Variants in IGFBP5 observed in about 807,000 individuals in gnomAD.
The protein encoded by IGFBP5 is insulin-like growth factor-binding protein 5.
In IGFBP5, 12 loss-of-function variants were observed where a neutral mutation model predicts 28.0. The ratio of observed to expected loss-of-function variants is 0.43; its 90% CI spans 0.27 to 0.69. The LOEUF (loss-of-function observed/expected upper bound fraction) is 0.69, where lower values mean the gene tolerates loss of function less well. Ranked by LOEUF, IGFBP5 falls within the 30% of genes least tolerant of loss-of-function variation. The probability of loss-of-function intolerance (pLI) is 0.20; values close to 1 mark genes in which losing one functional copy is unlikely to be tolerated. For synonymous variants in IGFBP5, 152 were observed against 150.2 expected (o/e 1.01, Z -0.09); for missense variants, 344 against 381.6 (o/e 0.90, Z 0.82).
At position 216,675,030 on chromosome 2, in the gene IGFBP5, TTTTCCTCTC is replaced by T. The variant is rs1688879325; in HGVS notation, c.*1712_*1720del. The T allele has an allele frequency of 6.6e-6, 1 of 152,164 alleles. No homozygotes were observed. The highest frequency in any genetic ancestry group is 1.5e-5 in the Non-Finnish European group (1 of 68,054). 9.4% of individuals were successfully genotyped at this position (152,164 alleles called of 1,614,324 possible). ...TTCTATTTTGCAACCCATTCCCCCA[TTTTCCTCTC>T]TTTCCTCTCAAATCCTAGAAAATAC... On this transcript the variant is annotated 3_prime_UTR_variant, in exon 4 of 4. Transcript: ENST00000233813.
At position 216,695,513 on chromosome 2, in the gene IGFBP5, A is replaced by G. The variant is rs1238559459; in HGVS notation, c.-738T>C. The G allele has an allele frequency of 6.6e-6, 1 of 152,238 alleles. No individual in the cohort carries two copies. The highest frequency in any genetic ancestry group is 1.9e-4 in the East Asian group (1 of 5,196). The allele number at this position is 152,238 out of a possible 1,614,324, so 9.4% of individuals were successfully genotyped here. ...CCACACTGCTTTGCAGCTCTTTCCT[A>G]GCTCTTTTCCCCTGCAGAAGTTTCC... On this transcript the variant is annotated 5_prime_UTR_variant, in exon 1 of 4. Transcript: ENST00000233813.
intron 3 of IGFBP5, among the ~76,000 whole-genome samples, chr2:216,677,542 A>G (rs1026489845): frequency 6.6e-6 from 1 of 152,180 alleles, no homozygotes; most frequent in Non-Finnish European, 1.5e-5. Context: ...CAGAGCCAAG[A>G]TTTGCCCCAG....
intron 1 of IGFBP5, among the ~76,000 whole-genome samples, chr2:216,688,810 G>A (rs79121803): frequency 0.02 from 3,011 of 152,182 alleles, 99 homozygotes; most frequent in African/African-American, 0.068. Context: ...CTGACTTACC[G>A]GAAAAAGGGG....
chr2:216,676,201 G>A lies in IGFBP5; in HGVS notation c.*550C>T, dbSNP rs1448500476. ...TGGCTAGAGGAGGAGACAGATCCGG[G>A]AGAGGTCCTGGAGTGTTTTGCCTTT... On this transcript the variant is annotated 3_prime_UTR_variant, in exon 4 of 4. Coordinates refer to ENST00000233813, the MANE Select transcript of IGFBP5 (RefSeq NM_000599.4). The A allele has an allele frequency of 6.5e-6, 1 of 152,882 alleles. No individual in the cohort carries two copies. The highest frequency in any genetic ancestry group is 1.5e-5 in the Non-Finnish European group (1 of 68,270). The allele number at this position is 152,882 out of a possible 1,614,324, so 9.5% of individuals were successfully genotyped here. A position where few individuals can be genotyped will look rare whatever the true frequency, so the allele number is the denominator to read the frequency against.
Position 216,676,567 on chromosome 2 carries a change from G to A in IGFBP5, c.*184C>T. ...CTTTTTAGCTTTTTGCATCTCTGTT[G>A]TTGCCATTTTCGAAGTTGAGCCCTT... On this transcript the variant is annotated 3_prime_UTR_variant, in exon 4 of 4. Transcript: ENST00000233813. 4.3e-6 allele frequency: 2 copies of A among 462,880 alleles called. No individual in the cohort carries two copies. Among genetic ancestry groups the A allele is most frequent in the South Asian group, 6.4e-5 (2 of 31,202 alleles). The allele number at this position is 462,880 out of a possible 1,614,324, so 28.7% of individuals were successfully genotyped here.
Position 216,676,808 on chromosome 2 carries a change from C to T in IGFBP5, c.762G>A (p.Met254Ile). Reference protein sequence around the residue: ...VDKYGMKLPGMEYVDGDFQCH... With the variant: ...VDKYGMKLPGIEYVDGDFQCH... ...ACTGAAAGTCCCCGTCAACGTACTCCATGCCTGGCAGCTTCATCCCGTACT... is the reference window on the plus strand; with the variant it reads ...ACTGAAAGTCCCCGTCAACGTACTCTATGCCTGGCAGCTTCATCCCGTACT... Residue 254 changes from methionine to isoleucine, a missense_variant, in exon 4 of 4, where the codon ATG (methionine) becomes ATA (isoleucine). By Grantham distance (10) the Met-to-Ile change is conservative. This residue lies in a region of IGFBP5 where 36 missense variants were observed against 34.1 expected (regional missense o/e 1.06). Coordinates refer to ENST00000233813, the MANE Select transcript of IGFBP5 (RefSeq NM_000599.4). The T allele has an allele frequency of 6.2e-7, 1 of 1,614,060 alleles. No homozygotes were observed. The highest frequency in any genetic ancestry group is 1.1e-5 in the South Asian group (1 of 91,076).
rs372646119 is a variant in IGFBP5 at position 216,676,056 on chromosome 2, A to G, written c.*695T>C. 2 of 152,634 alleles carry G rather than the reference A, an allele frequency of 1.3e-5. No homozygotes were observed. Among genetic ancestry groups the G allele is most frequent in the South Asian group, 2.1e-4 (1 of 4,826 alleles). 9.5% of individuals were successfully genotyped at this position (152,634 alleles called of 1,614,324 possible). ...CCTCTCTATTTAATATCACTCAATTATGAATTTGTTTTGCTTTCAGAGGAA... is the reference window on the plus strand; with the variant it reads ...CCTCTCTATTTAATATCACTCAATTGTGAATTTGTTTTGCTTTCAGAGGAA... On this transcript the variant is annotated 3_prime_UTR_variant, in exon 4 of 4. Coordinates refer to ENST00000233813, the MANE Select transcript of IGFBP5 (RefSeq NM_000599.4).
At chr2:216,678,273 A>T (rs765492590) in intron 2 of IGFBP5, 42 bp from the exon 3 acceptor site, 1 of 1,473,266 alleles carries the variant, frequency 6.8e-7, no homozygotes, top group Non-Finnish European at 9.1e-7. Flanking sequence ...AGACCAAGGG[A>T]AAACCACCCA....
intron 2 of IGFBP5, 22 bp from the exon 3 acceptor site, chr2:216,678,253 A>G (rs1482367213): frequency 6.7e-7 from 1 of 1,502,330 alleles, no homozygotes; most frequent in Admixed American, 2.1e-5. Context: ...GGAGGGTGAG[A>G]GGCGTGGCGA....
Position 216,674,828 on chromosome 2 carries a change from A to ATCCTCCCTCGTGGGCCTC in IGFBP5, c.*1922_*1923insGAGGCCCACGAGGGAGGA, listed in dbSNP as rs1688875790. 1 of 152,146 alleles carries ATCCTCCCTCGTGGGCCTC rather than the reference A, an allele frequency of 6.6e-6. No homozygotes were observed. The highest frequency in any genetic ancestry group is 1.5e-5 in the Non-Finnish European group (1 of 68,056). The allele number at this position is 152,146 out of a possible 1,614,324, so 9.4% of individuals were successfully genotyped here. A position where few individuals can be genotyped will look rare whatever the true frequency, so the allele number is the denominator to read the frequency against. ...CTGGCCAGAATGGAGGAAGAGCTGG[A>ATCCTCCCTCGTGGGCCTC]AAGACTCGTGGGCCTCAGTCCCTCA... On this transcript the variant is annotated 3_prime_UTR_variant, in exon 4 of 4. Coordinates refer to ENST00000233813, the MANE Select transcript of IGFBP5 (RefSeq NM_000599.4). This position sits in a 1 kb window ranked among gnomAD's most constrained non-coding sequence, Gnocchi z 4.4.
At position 216,694,510 on chromosome 2, in the gene IGFBP5, G is replaced by T. The variant is rs1376887686; in HGVS notation, c.266C>A (p.Pro89Gln). Residue 89 changes from proline (P) to glutamine (Q), a missense_variant, in exon 1 of 4, where the codon CCG becomes CAG. Physicochemically the swap from Pro to Gln is moderately conservative, Grantham distance 76. This residue lies in a region of IGFBP5 where 304 missense variants were observed against 329.2 expected (regional missense o/e 0.92). Transcript: ENST00000233813. This position sits in a 1 kb window ranked among gnomAD's most constrained non-coding sequence, Gnocchi z 5.2. Reference sequence around the variant, plus strand: ...GCGGCCGTGCAGCAGGGCGTGCAGCGGCTTCTCCTCGTCCTGCCGGGGGAG... The same window carrying T: ...GCGGCCGTGCAGCAGGGCGTGCAGCTGCTTCTCCTCGTCCTGCCGGGGGAG... The part of the protein sequence containing the change: ...RCLPRQDEEK[P>Q]LHALLHGRGV... 6.9e-6 allele frequency: 11 copies of T among 1,589,324 alleles called. No individual in the cohort carries two copies. The highest frequency in any genetic ancestry group is 2.3e-5 in the South Asian group (2 of 87,248).
rs965903295 is a variant in IGFBP5 at position 216,694,119 on chromosome 2, A to C, written c.337+320T>G. On this transcript the variant is annotated intron_variant, in intron 1 of 3. Transcript: ENST00000233813. The surrounding 1 kb of genome is among the most constrained non-coding windows in gnomAD (Gnocchi z 5.2). ...TAACATACACTCTTTCAGACTGTAG[A>C]TAGGGTACCAGGGGATTTGGACCTT... Among the ~76,000 whole-genome samples the C allele has an allele frequency of 2.0e-5, 3 of 151,440 alleles. No individual in the cohort carries two copies. Among genetic ancestry groups the C allele is most frequent in the African/African-American group, 7.3e-5 (3 of 41,244 alleles).
chr2:216,683,494 A>G (rs1044662414), intron 1 of IGFBP5, among the ~76,000 whole-genome samples: 6 of 152,184 alleles, frequency 3.9e-5, no homozygotes, highest in African/African-American at 4.8e-5. Context: ...AGTCAGGGAG[A>G]CAAACAAGCG....
chr2:216,690,556 G>A (rs1221470925), intron 1 of IGFBP5, among the ~76,000 whole-genome samples: 1 of 152,120 alleles, frequency 6.6e-6, no homozygotes, highest in Non-Finnish European at 1.5e-5. Context: ...CTGCTCCCAT[G>A]CCCTTTGCTG....
chr2:216,676,898 C>T lies in IGFBP5; in HGVS notation c.688-16G>A, dbSNP rs1429871754. ...AAGGTTTGCACTGGGGTGAGTAGAGCAACAGGCGGTGAGGACGGCCGCACC... is the reference window on the plus strand; with the variant it reads ...AAGGTTTGCACTGGGGTGAGTAGAGTAACAGGCGGTGAGGACGGCCGCACC... On this transcript the variant is annotated splice_polypyrimidine_tract_variant and intron_variant, in intron 3 of 3. Transcript: ENST00000233813. The T allele has an allele frequency of 6.2e-7, 1 of 1,613,208 alleles. No individual in the cohort carries two copies. The highest frequency in any genetic ancestry group is 1.3e-5 in the African/African-American group (1 of 75,018).
At chr2:216,687,183 T>TG (rs1689042341) in intron 1 of IGFBP5, among the ~76,000 whole-genome samples, 1 of 152,190 alleles carries the variant, frequency 6.6e-6, no homozygotes, top group Non-Finnish European at 1.5e-5. Flanking sequence ...CCTTTGTCTC[T>TG]GGGGGTCTGT....
intron 1 of IGFBP5, among the ~76,000 whole-genome samples, chr2:216,681,540 C>T (rs1688977842): frequency 6.6e-6 from 1 of 152,132 alleles, no homozygotes. Context: ...TCTCCTGTGG[C>T]TGGTGTAGCA....
chr2:216,683,155 C>T (rs1688997537), intron 1 of IGFBP5, among the ~76,000 whole-genome samples: 1 of 151,794 alleles, frequency 6.6e-6, no homozygotes, highest in Non-Finnish European at 1.5e-5. Flanking sequence ...CCCGTCTCTA[C>T]AAAAAAAACA....
Position 216,694,650 on chromosome 2 carries a change from G to C in IGFBP5, c.126C>G (p.Pro42=), listed in dbSNP as rs753202179. The C allele has an allele frequency of 6.6e-7, 1 of 1,526,380 alleles. No individual in the cohort carries two copies. Among genetic ancestry groups the C allele is most frequent in the Non-Finnish European group, 8.8e-7 (1 of 1,140,264 alleles). The allele number at this position is 1,526,380 out of a possible 1,614,324, so 94.6% of individuals were successfully genotyped here. A position where few individuals can be genotyped will look rare whatever the true frequency, so the allele number is the denominator to read the frequency against. ...GCTCCTTGACCAGCTCGCAGCCCAG[G>C]GGGCTGGGGGGGCACATGGAGAGGG... ...EKALSMCPPS[P]LGCELVKEPG... Residue 42 remains proline (P), a synonymous_variant, in exon 1 of 4, where the codon CCC becomes CCG. Coordinates refer to ENST00000233813, the MANE Select transcript of IGFBP5 (RefSeq NM_000599.4). This position sits in a 1 kb window ranked among gnomAD's most constrained non-coding sequence, Gnocchi z 5.2.
Sources: allele counts gnomAD v4.1 joint callset (sites outside exome capture counted in the v4.1 genomes callset), GRCh38; gene constraint gnomAD v4.1.1; regional missense constraint gnomAD v4.1.1; non-coding constraint Gnocchi (gnomAD v3.1); transcripts MANE v1.5; gene names NCBI Gene and HGNC (gene_info 2026-07-23, HGNC 2026-07-21).